Variants in IL1RAPL1 observed in about 807,000 individuals in gnomAD.
IL1RAPL1 encodes the protein interleukin 1 receptor accessory protein like 1.
IL1RAPL1 carries 3 observed loss-of-function variants against 48.4 expected under a neutral mutation model. The ratio of observed to expected loss-of-function variants is 0.06; its 90% CI spans 0.03 to 0.16. The LOEUF is 0.16. Among genes scored for constraint, IL1RAPL1 ranks in the 10% least tolerant of loss-of-function variants. The pLI, the probability that IL1RAPL1 is intolerant of heterozygous loss-of-function variation, is 1.00. For synonymous variants in IL1RAPL1, 185 were observed against 187.7 expected (o/e 0.99, Z 0.12); for missense variants, 349 against 530.6 (o/e 0.66, Z 3.36).
At chrX:29,738,450 CTTTTTTTTTTT>C (rs59952038) in intron 6 of IL1RAPL1, among the ~76,000 whole-genome samples, 1 of 86,165 alleles carries the variant, frequency 1.2e-5, no homozygotes, top group African/African-American at 4.7e-5. Flanking sequence ...CTTTTCTTTT[CTTTTTTTTTTT>C]TTTTTTTGAT....
At chrX:29,201,961 C>T (rs1234096802) in intron 2 of IL1RAPL1, among the ~76,000 whole-genome samples, 1 of 112,279 alleles carries the variant, frequency 8.9e-6, no homozygotes, top group Non-Finnish European at 1.9e-5. Flanking sequence ...TCCCAAAGTG[C>T]TGGGATTACA....
At chrX:29,574,298 T>C (rs1922701094) in intron 5 of IL1RAPL1, 2 of 108,773 alleles carry the variant, frequency 1.8e-5, no homozygotes, top group Admixed American at 9.7e-5. Context: ...GCATGTCAGA[T>C]TGTAATTCCC....
chrX:28,699,227 G>A (rs1187170947), intron 1 of IL1RAPL1, among the ~76,000 whole-genome samples: 1 of 111,853 alleles, frequency 8.9e-6, no homozygotes, highest in Non-Finnish European at 1.9e-5. Context: ...TAACTTGATA[G>A]TATTCCCTGT....
chrX:28,727,497 C>T (rs1365260713), intron 1 of IL1RAPL1, among the ~76,000 whole-genome samples: 12 of 106,633 alleles, frequency 1.1e-4, no homozygotes, highest in East Asian at 3.0e-4. Flanking sequence ...CAATTTGACT[C>T]CCTCTTTTCC....
chrX:29,570,658 G>T (rs1922562432), intron 5 of IL1RAPL1, among the ~76,000 whole-genome samples: 1 of 111,990 alleles, frequency 8.9e-6, no homozygotes. Flanking sequence ...TAGTAAGTCT[G>T]CCAAAGATCA....
intron 6 of IL1RAPL1, among the ~76,000 whole-genome samples, chrX:29,903,159 CGTGT>C (rs751071711): frequency 1.0e-4 from 10 of 99,680 alleles, no homozygotes; most frequent in African/African-American, 3.7e-4. Context: ...CATTTGTCTC[CGTGT>C]GTGTGTGTGT....
intron 2 of IL1RAPL1, among the ~76,000 whole-genome samples, chrX:28,924,842 A>G (rs1923700888): frequency 8.9e-6 from 1 of 112,272 alleles, no homozygotes; most frequent in Non-Finnish European, 1.9e-5. Context: ...TGAGGAAAGT[A>G]CATTACTTTT....
intron 6 of IL1RAPL1, among the ~76,000 whole-genome samples, chrX:29,784,260 T>C (rs1929435855): frequency 8.9e-6 from 1 of 111,816 alleles, no homozygotes; most frequent in African/African-American, 3.3e-5. Flanking sequence ...TCCAGTTTCT[T>C]TGGAATTCCA....
At chrX:29,766,010 G>A (rs142615788) in intron 6 of IL1RAPL1, among the ~76,000 whole-genome samples, 15,580 of 109,564 alleles carry the variant, frequency 0.14, 1,198 homozygotes, top group African/African-American at 0.28. Flanking sequence ...CTCAAAAGCT[G>A]TCGAACTAAA....
At chrX:29,116,268 A>C (rs1209298021) in intron 2 of IL1RAPL1, among the ~76,000 whole-genome samples, 2 of 111,233 alleles carry the variant, frequency 1.8e-5, no homozygotes, top group East Asian at 5.6e-4. Context: ...AGACATGATC[A>C]AAATGATACT....
At chrX:28,955,422 A>T (rs1381661440) in intron 2 of IL1RAPL1, among the ~76,000 whole-genome samples, 1 of 111,332 alleles carries the variant, frequency 9.0e-6, no homozygotes, top group Non-Finnish European at 1.9e-5. Context: ...CTTCAAATAC[A>T]TTAGGTCGAA....
chrX:29,821,429 G>A (rs1055209664), intron 6 of IL1RAPL1, among the ~76,000 whole-genome samples: 2 of 107,450 alleles, frequency 1.9e-5, no homozygotes, highest in Non-Finnish European at 3.8e-5. Context: ...CAGCCTGGGT[G>A]ACAGAGCGAG....
intron 5 of IL1RAPL1, among the ~76,000 whole-genome samples, chrX:29,399,631 C>T (rs1239014468): frequency 6.3e-5 from 7 of 110,595 alleles, no homozygotes; most frequent in South Asian, 3.9e-4. Flanking sequence ...CCAGCCTGGC[C>T]AACATGGTGA....
intron 2 of IL1RAPL1, among the ~76,000 whole-genome samples, chrX:29,006,125 G>T (rs1374024588): frequency 1.8e-5 from 2 of 111,321 alleles, no homozygotes; most frequent in Non-Finnish European, 3.8e-5. Flanking sequence ...CCTCCTGCCA[G>T]CTGGGTGTGG....
chrX:29,210,262 G>A (rs767888413), intron 2 of IL1RAPL1, among the ~76,000 whole-genome samples: 6 of 111,617 alleles, frequency 5.4e-5, no homozygotes, highest in African/African-American at 2.0e-4. Flanking sequence ...ATAATATGAC[G>A]CTTCTAAACC....
At chrX:29,307,138 C>G (rs1290583778) in intron 3 of IL1RAPL1, among the ~76,000 whole-genome samples, 1 of 111,084 alleles carries the variant, frequency 9.0e-6, no homozygotes, top group Non-Finnish European at 1.9e-5. Flanking sequence ...CTGTGCTATT[C>G]AATCTATCTG....
chrX:28,789,119 G>A (rs946011361), intron 1 of IL1RAPL1, among the ~76,000 whole-genome samples: 2 of 111,606 alleles, frequency 1.8e-5, no homozygotes, highest in African/African-American at 6.5e-5. Flanking sequence ...GGCTATGGAG[G>A]CATAATTTTG....
chrX:28,959,176 A>G (rs1924698741), intron 2 of IL1RAPL1, among the ~76,000 whole-genome samples: 1 of 89,647 alleles, frequency 1.1e-5, no homozygotes, highest in African/African-American at 4.5e-5. Flanking sequence ...TTTATTGTGT[A>G]TCTAATTTTT....
At chrX:29,578,907 C>A (rs1482732249) in intron 5 of IL1RAPL1, among the ~76,000 whole-genome samples, 2 of 111,818 alleles carry the variant, frequency 1.8e-5, no homozygotes, top group South Asian at 3.7e-4. Context: ...AATGAATGGG[C>A]AATTTGGGCT....
Sources: allele counts gnomAD v4.1 joint callset (sites outside exome capture counted in the v4.1 genomes callset), GRCh38; gene constraint gnomAD v4.1.1; transcripts MANE v1.5; gene names NCBI Gene and HGNC (gene_info 2026-07-23, HGNC 2026-07-21).